The following GLT8D2 variants were observed in gnomAD, a reference collection of about 807,000 sequenced individuals.
GLT8D2 encodes glycosyltransferase 8 domain-containing protein 2.
Under a neutral mutation model 44.5 loss-of-function variants are expected in GLT8D2, and 45 were observed. The observed-to-expected ratio is 1.01, with a 90% CI of 0.80 to 1.30. GLT8D2 has a LOEUF of 1.30. GLT8D2 is among the 50% of genes most tolerant of loss of function. The pLI is 0.00. For synonymous variants in GLT8D2, 156 were observed against 157.2 expected (o/e 0.99, Z 0.06); for missense variants, 400 against 430.4 (o/e 0.93, Z 0.62).
At position 104,014,993 on chromosome 12, in the gene GLT8D2, T is replaced by A. The variant is rs745989237; in HGVS notation, c.112+20A>T. 8 of 1,560,888 alleles carry A rather than the reference T, an allele frequency of 5.1e-6. No individual in the cohort carries two copies. The highest frequency in any genetic ancestry group is 6.2e-6 in the Non-Finnish European group (7 of 1,132,278). On this transcript the variant is annotated intron_variant, in intron 4 of 10. Coordinates refer to ENST00000360814, the MANE Select transcript of GLT8D2 (RefSeq NM_001384711.1). The stretch of plus-strand genomic sequence containing the variant: ...CACATTCCTGGGTATCCCAACTCAA[T>A]GAATTCCATGTCTGCTCACCTGCGT...
chr12:104,045,932 A>AAAGAAAGT (rs1881076041), intron 1 of GLT8D2, among the ~76,000 whole-genome samples: 1 of 140,694 alleles, frequency 7.1e-6, no homozygotes, highest in South Asian at 2.4e-4. Context: ...AGAAAGAAAG[A>AAAGAAAGT]AAGAAAAAGA....
intron 4 of GLT8D2, among the ~76,000 whole-genome samples, chr12:104,004,316 G>T (rs989246252): frequency 6.6e-6 from 1 of 152,138 alleles, no homozygotes; most frequent in Non-Finnish European, 1.5e-5. Context: ...TTGAAAACTG[G>T]CACAAGACAG....
chr12:104,016,752 AAAGAAAGAAAGAAAGAAAGAAAGAAGG>A lies in GLT8D2; in HGVS notation c.20-1674_20-1648del, dbSNP rs1356423652. 1.1e-3 allele frequency among the ~76,000 whole-genome samples: 127 copies of A among 110,866 alleles called. 5 individuals are homozygous for A. In the East Asian group the frequency reaches 0.026, roughly 22 times the overall value. 72.7% of individuals were successfully genotyped at this position (110,866 alleles called of 152,430 possible). A position where few individuals can be genotyped will look rare whatever the true frequency, so the allele number is the denominator to read the frequency against. ...GAAAGAAAGAAAGAAAGAAAGAAAG[AAAGAAAGAAAGAAAGAAAGAAAGAAGG>A]AAGGAAGGAAGGAAGGAAGGAAGGA... On this transcript the variant is annotated intron_variant, in intron 3 of 10. Coordinates refer to ENST00000360814, the MANE Select transcript of GLT8D2 (RefSeq NM_001384711.1).
rs778494792 is a variant in GLT8D2 at position 104,024,948 on chromosome 12, C to T, written c.-163-3457G>A. ...AACCAGGCGTGGTGGTGCAGGTCTG[C>T]AATCCCAGCTACTCGGGAGGCTGAG... On this transcript the variant is annotated intron_variant, in intron 1 of 10. Coordinates refer to ENST00000360814, the MANE Select transcript of GLT8D2 (RefSeq NM_001384711.1). Among the ~76,000 whole-genome samples the T allele has an allele frequency of 4.1e-4, 62 of 150,856 alleles. 1 individual carries two copies. Among genetic ancestry groups the T allele is most frequent in the Non-Finnish European group, 8.7e-4 (59 of 67,826 alleles).
chr12:103,995,903 AT>A (rs1873358612), intron 8 of GLT8D2, among the ~76,000 whole-genome samples: 1 of 152,210 alleles, frequency 6.6e-6, no homozygotes, highest in Non-Finnish European at 1.5e-5. Flanking sequence ...TAATAGCTTT[AT>A]ATGTGTTAAC....
At position 104,021,337 on chromosome 12, in the gene GLT8D2, G is replaced by A. The variant is rs1180516220; in HGVS notation, c.-29+20C>T. ...AGAAAAAATGTTATTAGAGGAAAAG[G>A]AAAAGTCCAAGTCACTTACCCTGGA... On this transcript the variant is annotated intron_variant, in intron 2 of 10. Transcript: ENST00000360814. The A allele has an allele frequency of 6.6e-6, 1 of 152,298 alleles. No homozygotes were observed. The highest frequency in any genetic ancestry group is 6.5e-5 in the Admixed American group (1 of 15,274). The allele number at this position is 152,298 out of a possible 1,614,324, so 9.4% of individuals were successfully genotyped here.
chr12:104,010,502 A>G (rs535703283), intron 4 of GLT8D2, among the ~76,000 whole-genome samples: 118 of 152,290 alleles, frequency 7.7e-4, no homozygotes, highest in African/African-American at 2.6e-3. Context: ...CTATGGTTGA[A>G]TTTATTAATT....
chr12:104,055,060 C>A (rs556673913), upstream of GLT8D2, among the ~76,000 whole-genome samples: 3 of 152,268 alleles, frequency 2.0e-5, no homozygotes, highest in South Asian at 4.1e-4. Context: ...TTATTACCAC[C>A]CCAAACTCTG....
At chr12:104,008,552 G>GA (rs914487462) in intron 4 of GLT8D2, among the ~76,000 whole-genome samples, 25 of 149,020 alleles carry the variant, frequency 1.7e-4, no homozygotes, top group South Asian at 4.2e-4. Flanking sequence ...CAATGTGATA[G>GA]AAAAAAAAAA....
At chr12:104,016,775 G>GAAAGA (rs201617792) in intron 3 of GLT8D2, among the ~76,000 whole-genome samples, 2 of 74,698 alleles carry the variant, frequency 2.7e-5, no homozygotes. Flanking sequence ...AAGAAAGAAA[G>GAAAGA]AAGGAAGGAA....
At chr12:104,000,771 T>C (rs953540981) in intron 5 of GLT8D2, among the ~76,000 whole-genome samples, 7 of 152,116 alleles carry the variant, frequency 4.6e-5, no homozygotes, top group African/African-American at 1.7e-4. Context: ...TGAGCAATAG[T>C]ATGATAAGGA....
At chr12:104,042,193 G>A (rs148227773) in intron 1 of GLT8D2, among the ~76,000 whole-genome samples, 67 of 152,266 alleles carry the variant, frequency 4.4e-4, no homozygotes, top group Middle Eastern at 6.8e-3. Context: ...CTGATGCACA[G>A]AGACTTAAGT....
At chr12:104,016,221 C>A (rs986772373) in intron 3 of GLT8D2, among the ~76,000 whole-genome samples, 1 of 152,166 alleles carries the variant, frequency 6.6e-6, no homozygotes, top group Admixed American at 6.6e-5. Context: ...GTGGGTCTGC[C>A]GTATGTGGCT....
intron 4 of GLT8D2, among the ~76,000 whole-genome samples, chr12:104,005,307 AG>A (rs1405670270): frequency 1.3e-5 from 2 of 152,258 alleles, no homozygotes. Flanking sequence ...AATACCATTC[AG>A]GACATAGGCA....
chr12:103,999,923 T>C (rs1873981689), intron 5 of GLT8D2, among the ~76,000 whole-genome samples: 1 of 152,222 alleles, frequency 6.6e-6, no homozygotes, highest in African/African-American at 2.4e-5. Flanking sequence ...TTGATCGAAG[T>C]CATTTTTACT....
chr12:104,025,440 C>A (rs1308691791), intron 1 of GLT8D2, among the ~76,000 whole-genome samples: 2 of 152,056 alleles, frequency 1.3e-5, no homozygotes, highest in Non-Finnish European at 2.9e-5. Context: ...AACTCCTGAG[C>A]TCAAGTGATC....
chr12:104,017,673 A>G (rs897328797), intron 3 of GLT8D2, among the ~76,000 whole-genome samples: 1 of 152,184 alleles, frequency 6.6e-6, no homozygotes, highest in Non-Finnish European at 1.5e-5. Context: ...AGCTGATGAA[A>G]AATTGAGAAG....
chr12:104,003,129 A>T lies in GLT8D2; in HGVS notation c.284+6T>A. 6.2e-7 allele frequency: 1 copy of T among 1,612,742 alleles called. No homozygotes were observed. Among genetic ancestry groups the T allele is most frequent in the Non-Finnish European group, 8.5e-7 (1 of 1,178,848 alleles). ...AAAGTGCCAAAGTCTGTAAGACATA[A>T]CTTACCGTATTCGAGTCAGAGTATT... On this transcript the variant is annotated splice_donor_region_variant and intron_variant, in intron 5 of 10. Transcript: ENST00000360814.
Position 104,062,864 on chromosome 12 carries a change from C to T in GLT8D2, c.-423+1085G>A, listed in dbSNP as rs117594878. ...TTGATATCATATAGACCAGGGGTCC[C>T]CAGTCCCCAGCAACCAGTCCTCGGC... On this transcript the variant is annotated intron_variant, in intron 1 of 10. Coordinates refer to the GLT8D2 transcript ENST00000548660. Among the ~76,000 whole-genome samples, 1,175 of 152,178 alleles carry T rather than the reference C, an allele frequency of 7.7e-3. 18 individuals are homozygous for T. The highest frequency in any genetic ancestry group is 0.068 in the South Asian group (326 of 4,828).
Sources: gnomAD v4.1 joint callset for allele counts (sites outside exome capture counted in the v4.1 genomes callset) on GRCh38, gnomAD v4.1.1 for gene constraint, MANE v1.5 for transcripts, NCBI Gene and HGNC (gene_info 2026-07-23, HGNC 2026-07-21) for gene names.